AKIRIN1: variants seen among roughly 807,000 people sequenced by gnomAD.
The protein encoded by AKIRIN1 is akirin-1.
AKIRIN1 carries 4 observed loss-of-function variants against 25.9 expected under a neutral mutation model. The ratio of observed to expected loss-of-function variants is 0.15; its 90% CI spans 0.08 to 0.35. The LOEUF is 0.35. Ranked by LOEUF, AKIRIN1 falls within the 10% of genes least tolerant of loss-of-function variation. The pLI is 1.00. For synonymous variants in AKIRIN1, 125 were observed against 105.1 expected (o/e 1.19, Z -1.16); for missense variants, 243 against 266.1 (o/e 0.91, Z 0.61).
chr1:39,002,510 T>C (rs1644001426), intron 3 of AKIRIN1, among the ~76,000 whole-genome samples: 1 of 152,026 alleles, frequency 6.6e-6, no homozygotes, highest in Non-Finnish European at 1.5e-5. Context: ...GCGGGCAGAT[T>C]ACAAGGTCAG....
chr1:38,997,056 A>G (rs1279345924), intron 1 of AKIRIN1, among the ~76,000 whole-genome samples: 1 of 152,150 alleles, frequency 6.6e-6, no homozygotes, highest in Non-Finnish European at 1.5e-5. Flanking sequence ...TCTCAAGGTT[A>G]TAGTCACACA....
At chr1:38,996,834 A>G (rs1570972735) in intron 1 of AKIRIN1, among the ~76,000 whole-genome samples, 1 of 152,208 alleles carries the variant, frequency 6.6e-6, no homozygotes, top group Admixed American at 6.5e-5. Context: ...CAGCTGGCCC[A>G]TAACACTCTT....
At chr1:39,001,587 A>C (rs1643992417) in intron 3 of AKIRIN1, among the ~76,000 whole-genome samples, 1 of 152,010 alleles carries the variant, frequency 6.6e-6, no homozygotes, top group Non-Finnish European at 1.5e-5. Context: ...TTTTAAATAG[A>C]GGCAAGGTTT....
chr1:38,992,173 G>A (rs1450530955), intron 1 of AKIRIN1, among the ~76,000 whole-genome samples: 2 of 152,186 alleles, frequency 1.3e-5, no homozygotes, highest in African/African-American at 2.4e-5. Flanking sequence ...TTTATTATAT[G>A]GCTATTGCCT....
chr1:39,004,801 A>G lies in AKIRIN1; in HGVS notation c.*746A>G, dbSNP rs1375520316. The G allele has an allele frequency of 5.8e-5, 9 of 154,348 alleles. No homozygotes were observed. The highest frequency in any genetic ancestry group is 5.2e-4 in the Admixed American group (8 of 15,432). The allele number at this position is 154,348 out of a possible 1,614,324, so 9.6% of individuals were successfully genotyped here. A position where few individuals can be genotyped will look rare whatever the true frequency, so the allele number is the denominator to read the frequency against. ...ATTCTTTGACTCCAAGCCTTAAAATACTCACATGGAGTCAGCGCTCACCTC... is the reference window on the plus strand; with the variant it reads ...ATTCTTTGACTCCAAGCCTTAAAATGCTCACATGGAGTCAGCGCTCACCTC... On this transcript the variant is annotated 3_prime_UTR_variant, in exon 5 of 5. Transcript: ENST00000432648.
intron 1 of AKIRIN1, among the ~76,000 whole-genome samples, chr1:38,996,719 C>T (rs189217874): frequency 3.3e-5 from 5 of 151,882 alleles, no homozygotes; most frequent in South Asian, 2.1e-4. Context: ...TTAGTAGAGA[C>T]GGTGTTTCAC....
chr1:39,000,938 C>T (rs1464873236), intron 2 of AKIRIN1, 34 bp from the exon 3 acceptor site: 1 of 1,595,054 alleles, frequency 6.3e-7, no homozygotes. Flanking sequence ...TGAACCACCG[C>T]ACCTGGCCCA....
chr1:38,996,163 C>T (rs189277625), intron 1 of AKIRIN1, among the ~76,000 whole-genome samples: 2,553 of 152,192 alleles, frequency 0.017, 68 homozygotes, highest in African/African-American at 0.057. Context: ...GGGGTGATCT[C>T]GGCTCACTGC....
intron 1 of AKIRIN1, among the ~76,000 whole-genome samples, chr1:38,997,107 A>G (rs1643953557): frequency 7.1e-6 from 1 of 140,350 alleles, no homozygotes; most frequent in Non-Finnish European, 1.6e-5. Context: ...ACCTCCCACC[A>G]TTAAAAAAAA....
At chr1:38,995,386 C>A (rs554658561) in intron 1 of AKIRIN1, among the ~76,000 whole-genome samples, 1 of 152,286 alleles carries the variant, frequency 6.6e-6, no homozygotes, top group East Asian at 1.9e-4. Flanking sequence ...CGGAAAAAAT[C>A]TGGCAGCACA....
chr1:38,998,827 T>G (rs1343685928), intron 2 of AKIRIN1, among the ~76,000 whole-genome samples: 1 of 151,528 alleles, frequency 6.6e-6, no homozygotes, highest in African/African-American at 2.4e-5. Context: ...TGAGCTGAGA[T>G]GACACCATTG....
rs1160069263 is a variant in AKIRIN1, at chr1:38,991,359, C to T, written c.-22C>T. The T allele has an allele frequency of 1.5e-6, 2 of 1,338,414 alleles. No individual in the cohort carries two copies. Among genetic ancestry groups the T allele is most frequent in the Middle Eastern group, 2.8e-4 (1 of 3,602 alleles). 82.9% of individuals were successfully genotyped at this position (1,338,414 alleles called of 1,614,324 possible). On this transcript the variant is annotated 5_prime_UTR_variant, in exon 1 of 5. Transcript: ENST00000432648. ...CCGCACTTACCGCCGCGTCCGCTCC[C>T]GGTCCCTGGCCCCTCAGCGGCATGG...
chr1:39,005,440 C>T lies in AKIRIN1; in HGVS notation c.*1385C>T, dbSNP rs879628230. ...CCGAAGTCGCATATAGGCTGTTCTT[C>T]ACCTTGTTTCCAAGGCTGAGGAACA... On this transcript the variant is annotated 3_prime_UTR_variant, in exon 5 of 5. Coordinates refer to ENST00000432648, the MANE Select transcript of AKIRIN1 (RefSeq NM_024595.3). 4 of 152,240 alleles carry T rather than the reference C, an allele frequency of 2.6e-5. No individual in the cohort carries two copies. In the East Asian group the frequency reaches 7.7e-4, roughly 29 times the overall value. The allele number at this position is 152,240 out of a possible 1,614,324, so 9.4% of individuals were successfully genotyped here.
At chr1:38,998,014 T>C (rs1015627561) in intron 1 of AKIRIN1, among the ~76,000 whole-genome samples, 157 bp from the exon 2 acceptor site, 2 of 152,284 alleles carry the variant, frequency 1.3e-5, no homozygotes, top group African/African-American at 4.8e-5. Flanking sequence ...ATAAACGTTT[T>C]GCTTGTTTAT....
At chr1:38,995,235 CTAAAT>C (rs139927459) in intron 1 of AKIRIN1, among the ~76,000 whole-genome samples, 1 of 152,238 alleles carries the variant, frequency 6.6e-6, no homozygotes, top group Non-Finnish European at 1.5e-5. Flanking sequence ...TGTAATGTAA[CTAAAT>C]TATAGTGGAA....
Position 38,991,294 on chromosome 1 carries a change from G to C in AKIRIN1, c.-87G>C. On this transcript the variant is annotated 5_prime_UTR_variant, in exon 1 of 5. Coordinates refer to ENST00000432648, the MANE Select transcript of AKIRIN1 (RefSeq NM_024595.3). Reference sequence around the variant, plus strand: ...GCCGGGTGCTGGAGGCGCCATTGGAGCCGGCTTGGCTGGCGAGCCCGGCTG... The same window carrying C: ...GCCGGGTGCTGGAGGCGCCATTGGACCCGGCTTGGCTGGCGAGCCCGGCTG... The C allele has an allele frequency of 8.3e-7, 1 of 1,204,126 alleles. No individual in the cohort carries two copies. Among genetic ancestry groups the C allele is most frequent in the Non-Finnish European group, 1.1e-6 (1 of 937,900 alleles). 74.6% of individuals were successfully genotyped at this position (1,204,126 alleles called of 1,614,324 possible). A position where few individuals can be genotyped will look rare whatever the true frequency, so the allele number is the denominator to read the frequency against.
At position 38,991,422 on chromosome 1, in the gene AKIRIN1, G is replaced by A; in HGVS notation, c.42G>A (p.Glu14=). Residue 14 remains glutamate (E), a synonymous_variant, in exon 1 of 5, where the codon GAG becomes GAA. Coordinates refer to ENST00000432648, the MANE Select transcript of AKIRIN1 (RefSeq NM_024595.3). ...CGCTGAAGCGGCCCATGGAGTTCGA[G>A]GCGGCGCTGCTGAGCCCCGGCTCCC... ...GATLKRPMEF[E]AALLSPGSPK... The A allele has an allele frequency of 7.3e-7, 1 of 1,361,396 alleles. No homozygotes were observed. The highest frequency in any genetic ancestry group is 1.5e-5 in the African/African-American group (1 of 65,536). 84.3% of individuals were successfully genotyped at this position (1,361,396 alleles called of 1,614,324 possible).
chr1:38,998,083 G>A, intron 1 of AKIRIN1, 88 bp from the exon 2 acceptor site: 1 of 1,405,106 alleles, frequency 7.1e-7, no homozygotes, highest in Non-Finnish European at 9.6e-7. Context: ...AGTCTAGTCA[G>A]AAGATCTTTG....
chr1:38,994,554 G>A (rs972630186), intron 1 of AKIRIN1, among the ~76,000 whole-genome samples: 1 of 152,120 alleles, frequency 6.6e-6, no homozygotes, highest in African/African-American at 2.4e-5. Context: ...TGCCCAGGCT[G>A]GAGTGTAGTG....
Sources: gnomAD v4.1 joint callset for allele counts (sites outside exome capture counted in the v4.1 genomes callset) on GRCh38, gnomAD v4.1.1 for gene constraint, MANE v1.5 for transcripts, NCBI Gene and HGNC (gene_info 2026-07-23, HGNC 2026-07-21) for gene names.